Variants in SPMIP2 observed in about 807,000 individuals in gnomAD.
The protein encoded by SPMIP2 is protein SPMIP2.
the SPMIP2 span, among the ~76,000 whole-genome samples, chr4:159,078,381 T>C: frequency 1.3e-5 from 2 of 152,150 alleles, no homozygotes; most frequent in Non-Finnish European, 2.9e-5. Flanking sequence ...TACACCAAGT[T>C]TCTGAATTTC....
the SPMIP2 span, among the ~76,000 whole-genome samples, chr4:158,985,073 A>G: frequency 6.7e-6 from 1 of 149,554 alleles, no homozygotes; most frequent in South Asian, 2.1e-4. Flanking sequence ...CCCTCCCAAG[A>G]CTAAACCAGG....
At chr4:158,924,847 G>A in the SPMIP2 span, among the ~76,000 whole-genome samples, 1 of 152,092 alleles carries the variant, frequency 6.6e-6, no homozygotes, top group Non-Finnish European at 1.5e-5. Context: ...TGTTGACATG[G>A]TATATTACAT....
At chr4:158,974,256 A>G in the SPMIP2 span, among the ~76,000 whole-genome samples, 2 of 152,150 alleles carry the variant, frequency 1.3e-5, no homozygotes, top group African/African-American at 4.8e-5. Context: ...TGAATTATAG[A>G]AATAGGTGAA....
At chr4:158,912,082 A>C in the SPMIP2 span, among the ~76,000 whole-genome samples, 1 of 152,166 alleles carries the variant, frequency 6.6e-6, no homozygotes, top group African/African-American at 2.4e-5. Context: ...GGAAAAAAAC[A>C]ACCAGAAATC....
chr4:159,039,700 C>T, the SPMIP2 span, among the ~76,000 whole-genome samples: 12 of 152,322 alleles, frequency 7.9e-5, no homozygotes, highest in East Asian at 1.2e-3. Flanking sequence ...CCTTTTGTTA[C>T]GGAAAATCCC....
chr4:159,005,237 A>AT, the SPMIP2 span, among the ~76,000 whole-genome samples: 1 of 150,454 alleles, frequency 6.6e-6, no homozygotes, highest in Non-Finnish European at 1.5e-5. Flanking sequence ...AAAAAAAAAA[A>AT]AAAATCAACC....
chr4:158,992,716 T>C, the SPMIP2 span, among the ~76,000 whole-genome samples: 150,597 of 152,340 alleles, frequency 0.99, 74,454 homozygotes, highest in East Asian at 1. Flanking sequence ...GATGGTGCCT[T>C]GTTGCTGCAT....
At chr4:158,958,293 G>A in the SPMIP2 span, among the ~76,000 whole-genome samples, 1 of 152,138 alleles carries the variant, frequency 6.6e-6, no homozygotes, top group Admixed American at 6.6e-5. Flanking sequence ...ACCATGTCCT[G>A]TTAGTTTTTT....
chr4:159,029,815 T>C, the SPMIP2 span, among the ~76,000 whole-genome samples: 1 of 152,230 alleles, frequency 6.6e-6, no homozygotes, highest in African/African-American at 2.4e-5. Context: ...AGAGAACATT[T>C]TTTTCATGTA....
At chr4:158,928,452 G>C in the SPMIP2 span, among the ~76,000 whole-genome samples, 1 of 151,996 alleles carries the variant, frequency 6.6e-6, no homozygotes, top group Non-Finnish European at 1.5e-5. Context: ...TAGCTACTCT[G>C]GTGGGGCCTT....
the SPMIP2 span, chr4:158,907,195 G>A: frequency 2.6e-5 from 4 of 152,298 alleles, no homozygotes; most frequent in African/African-American, 2.4e-5. Context: ...AATTGTGTAC[G>A]TTTTAGACAT....
the SPMIP2 span, among the ~76,000 whole-genome samples, chr4:158,988,711 A>G: frequency 6.6e-6 from 1 of 152,224 alleles, no homozygotes; most frequent in Non-Finnish European, 1.5e-5. Flanking sequence ...TAAACTCTCA[A>G]TAAACTAGGT....
chr4:158,992,209 T>G, the SPMIP2 span, among the ~76,000 whole-genome samples: 1 of 152,248 alleles, frequency 6.6e-6, no homozygotes, highest in African/African-American at 2.4e-5. Flanking sequence ...TTTTCCCAAA[T>G]ACTTCATCAA....
At chr4:158,937,889 A>G in the SPMIP2 span, among the ~76,000 whole-genome samples, 2 of 152,230 alleles carry the variant, frequency 1.3e-5, no homozygotes, top group Non-Finnish European at 2.9e-5. Flanking sequence ...AAGGATAATC[A>G]GTTGTTCATG....
the SPMIP2 span, among the ~76,000 whole-genome samples, chr4:159,044,875 T>C: frequency 1.3e-5 from 2 of 152,298 alleles, no homozygotes; most frequent in East Asian, 3.9e-4. Context: ...ACGGATCACC[T>C]GAGGTCAGGA....
chr4:159,070,359 AGTGATTGAAT>A, the SPMIP2 span, among the ~76,000 whole-genome samples: 1 of 152,330 alleles, frequency 6.6e-6, no homozygotes, highest in Admixed American at 6.5e-5. Context: ...TACACTGGCA[AGTGATTGAAT>A]GTAAATACGT....
At chr4:158,986,581 T>G in the SPMIP2 span, among the ~76,000 whole-genome samples, 2 of 152,070 alleles carry the variant, frequency 1.3e-5, no homozygotes, top group East Asian at 3.9e-4. Flanking sequence ...TAGCCATATG[T>G]AGAAAGCTGA....
the SPMIP2 span, among the ~76,000 whole-genome samples, chr4:158,964,467 G>T: frequency 6.6e-6 from 1 of 152,168 alleles, no homozygotes; most frequent in Non-Finnish European, 1.5e-5. Flanking sequence ...GCCAATAAAT[G>T]AGTATTGATT....
chr4:159,038,991 T>C, the SPMIP2 span, among the ~76,000 whole-genome samples: 1 of 152,144 alleles, frequency 6.6e-6, no homozygotes. Context: ...TTTATTTTAC[T>C]CTTTTGAGGC....
Sources: gnomAD v4.1 joint callset for allele counts (sites outside exome capture counted in the v4.1 genomes callset) on GRCh38, gnomAD v4.1.1 for gene constraint, MANE v1.5 for transcripts, NCBI Gene and HGNC (gene_info 2026-07-23, HGNC 2026-07-21) for gene names.